CPD: variants seen among roughly 807,000 people sequenced by gnomAD.
The protein encoded by CPD is carboxypeptidase D.
CPD carries 69 observed loss-of-function variants against 138.3 expected under a neutral mutation model. That is an observed-to-expected ratio of 0.50 (90% CI 0.41 to 0.61). The LOEUF (loss-of-function observed/expected upper bound fraction) is 0.61, where lower values mean the gene tolerates loss of function less well. Ranked by LOEUF, CPD falls within the 20% of genes least tolerant of loss-of-function variation. The probability of loss-of-function intolerance (pLI) is 0.00; values close to 1 mark genes in which losing one functional copy is unlikely to be tolerated. For synonymous variants in CPD, 651 were observed against 642.1 expected (o/e 1.01, Z -0.21); for missense variants, 1,432 against 1,733.3 (o/e 0.83, Z 3.09).
chr17:30,413,200 A>G (rs77539364), intron 2 of CPD, among the ~76,000 whole-genome samples: 1,604 of 152,342 alleles, frequency 0.011, 34 homozygotes, highest in African/African-American at 0.036. Flanking sequence ...AAGATTTTCA[A>G]TAAATATTAT....
At chr17:30,457,678 T>A (rs1430607621) in intron 17 of CPD, among the ~76,000 whole-genome samples, 2 of 151,782 alleles carry the variant, frequency 1.3e-5, no homozygotes, top group Non-Finnish European at 2.9e-5. Context: ...TTTTTTTTTT[T>A]AAACAGAGTC....
chr17:30,448,642 A>G (rs1289100771), intron 12 of CPD, among the ~76,000 whole-genome samples: 1 of 152,232 alleles, frequency 6.6e-6, no homozygotes, highest in Non-Finnish European at 1.5e-5. Flanking sequence ...TTTATGCTAA[A>G]GAAAGCAGAC....
chr17:30,419,942 C>A (rs535875546), intron 2 of CPD, among the ~76,000 whole-genome samples: 6 of 152,320 alleles, frequency 3.9e-5, no homozygotes, highest in African/African-American at 1.2e-4. Flanking sequence ...CTGAGATGCA[C>A]TGGGGGTTGA....
intron 20 of CPD, among the ~76,000 whole-genome samples, chr17:30,463,383 C>T (rs950473855): frequency 5.3e-5 from 8 of 152,182 alleles, no homozygotes; most frequent in African/African-American, 1.2e-4. Context: ...AAGCCTAGAA[C>T]GATGGTTAGC....
intron 12 of CPD, among the ~76,000 whole-genome samples, chr17:30,449,169 T>G (rs1025858491): frequency 3.9e-5 from 6 of 152,096 alleles, no homozygotes; most frequent in Admixed American, 2.6e-4. Flanking sequence ...GTTATCTATG[T>G]TCATACATAC....
At chr17:30,388,369 C>T (rs1911253810) in intron 2 of CPD, among the ~76,000 whole-genome samples, 2 of 152,176 alleles carry the variant, frequency 1.3e-5, no homozygotes, top group Admixed American at 1.3e-4. Context: ...TTCCATGGCA[C>T]CCCGGCTGCT....
At chr17:30,400,035 G>T (rs759822380) in intron 2 of CPD, among the ~76,000 whole-genome samples, 1 of 152,126 alleles carries the variant, frequency 6.6e-6, no homozygotes, top group Non-Finnish European at 1.5e-5. Context: ...TGTGTTTCTT[G>T]TAGTTGCATA....
At chr17:30,411,273 C>T (rs752784554) in intron 2 of CPD, among the ~76,000 whole-genome samples, 54 of 152,202 alleles carry the variant, frequency 3.5e-4, no homozygotes, top group Non-Finnish European at 5.9e-4. Flanking sequence ...TGACCTTTCT[C>T]TCTGGCTGCC....
In CPD at chr17:30,464,746, C is replaced by G; in HGVS notation, c.4075C>G (p.Leu1359Val). 1 of 1,613,986 alleles carries G rather than the reference C, an allele frequency of 6.2e-7. No individual in the cohort carries two copies. Among genetic ancestry groups the G allele is most frequent in the Non-Finnish European group, 8.5e-7 (1 of 1,179,900 alleles). The stretch of plus-strand genomic sequence containing the variant: ...GATGTCTACCGGCTCCAAGAAGTCC[C>G]TCCTAAGCCATGAGTTCCAGGATGA... Reference protein sequence around the residue: ...RMMSTGSKKSLLSHEFQDETD... With the variant: ...RMMSTGSKKSVLSHEFQDETD... The change falls in exon 21 of 21, where the codon CTC becomes GTC. Residue 1359 changes from leucine to valine, a missense_variant. By Grantham distance (32) the Leu-to-Val change is conservative. Around this residue, in one of 6 missense-constraint regions of CPD, gnomAD observed 366 missense variants for 518.8 expected, o/e 0.71. Coordinates refer to ENST00000225719, the MANE Select transcript of CPD (RefSeq NM_001304.5).
Position 30,379,036 on chromosome 17 carries a change from T to C in CPD, c.56T>C (p.Leu19Pro). The stretch of plus-strand genomic sequence containing the variant: ...TGGCGGCTAGGGCGGCTCCTGTTGC[T>C]CATGTGCCTGCTGCTGCTGGGGAGC... ...PPWRLGRLLLLMCLLLLGSSA... is the reference protein window; with the variant it reads ...PPWRLGRLLLPMCLLLLGSSA... Residue 19 changes from leucine to proline, a missense_variant, in exon 1 of 21, where the codon CTC (leucine) becomes CCC (proline). Physicochemically the swap from Leu to Pro is moderately conservative, Grantham distance 98. Around this residue, in one of 6 missense-constraint regions of CPD, gnomAD observed 484 missense variants for 477.2 expected, o/e 1.01. Coordinates refer to ENST00000225719, the MANE Select transcript of CPD (RefSeq NM_001304.5). The surrounding 1 kb of genome is among the most constrained non-coding windows in gnomAD (Gnocchi z 7.0). 1.9e-6 allele frequency: 3 copies of C among 1,560,950 alleles called. No homozygotes were observed. The highest frequency in any genetic ancestry group is 2.6e-6 in the Non-Finnish European group (3 of 1,161,308).
intron 2 of CPD, among the ~76,000 whole-genome samples, chr17:30,386,685 T>G (rs1324552300): frequency 1.3e-5 from 2 of 152,268 alleles, no homozygotes; most frequent in Admixed American, 6.5e-5. Context: ...TTAGATATTT[T>G]ATATAACTGG....
At chr17:30,386,055 G>T (rs938983467) in intron 2 of CPD, among the ~76,000 whole-genome samples, 2 of 151,832 alleles carry the variant, frequency 1.3e-5, no homozygotes, top group African/African-American at 4.8e-5. Context: ...TAAGAGATAG[G>T]GTCTCACTCT....
At chr17:30,446,584 AT>A (rs1913037826) in intron 12 of CPD, among the ~76,000 whole-genome samples, 1 of 152,200 alleles carries the variant, frequency 6.6e-6, no homozygotes, top group African/African-American at 2.4e-5. Context: ...ATTGATGGAC[AT>A]TTGGGTTGGT....
At chr17:30,421,861 A>G (rs973248763) in intron 4 of CPD, 28 bp downstream of exon 4, 1 of 1,527,812 alleles carries the variant, frequency 6.5e-7, no homozygotes, top group African/African-American at 1.4e-5. Context: ...GTAGACTCTT[A>G]GTTAAAATGT....
chr17:30,394,678 G>A (rs1489070603), intron 2 of CPD, among the ~76,000 whole-genome samples: 1 of 152,054 alleles, frequency 6.6e-6, no homozygotes, highest in South Asian at 2.1e-4. Flanking sequence ...TTACCTAGAG[G>A]GCATGTAGGG....
At chr17:30,400,822 T>A (rs1911639892) in intron 2 of CPD, among the ~76,000 whole-genome samples, 3 of 147,724 alleles carry the variant, frequency 2.0e-5, no homozygotes. Context: ...CACGCCCGGT[T>A]AATTTTTTTT....
intron 1 of CPD, among the ~76,000 whole-genome samples, chr17:30,383,656 T>G (rs1034912333): frequency 2.0e-5 from 3 of 152,230 alleles, no homozygotes; most frequent in African/African-American, 7.2e-5. Context: ...CAAGTAATTT[T>G]CATTGTTTGA....
intron 2 of CPD, among the ~76,000 whole-genome samples, chr17:30,400,649 A>ATTTTT (rs1911629506): frequency 6.6e-5 from 5 of 76,060 alleles, no homozygotes; most frequent in African/African-American, 3.0e-4. Context: ...TTTTGCCATC[A>ATTTTT]TTCTTTTTTT....
Position 30,379,065 on chromosome 17 carries a change from G to A in CPD, c.85G>A (p.Ala29Thr). ...LMCLLLLGSS[A>T]RAAHIKKAEA... ...GTGCCTGCTGCTGCTGGGGAGCTCG[G>A]CCCGGGCGGCTCACATCAAGAAGGC... is the stretch of plus-strand genomic sequence containing the variant. The change falls in exon 1 of 21, where the codon GCC (alanine) becomes ACC (threonine). Residue 29 changes from alanine to threonine, a missense_variant. By Grantham distance (58) the Ala-to-Thr change is moderately conservative. This residue lies in a region of CPD where 484 missense variants were observed against 477.2 expected (regional missense o/e 1.01). Coordinates refer to ENST00000225719, the MANE Select transcript of CPD (RefSeq NM_001304.5). The surrounding 1 kb of genome is among the most constrained non-coding windows in gnomAD (Gnocchi z 7.0). 6.4e-7 allele frequency: 1 copy of A among 1,560,654 alleles called. No homozygotes were observed. Among genetic ancestry groups the A allele is most frequent in the Non-Finnish European group, 8.6e-7 (1 of 1,160,056 alleles).
Sources: allele counts gnomAD v4.1 joint callset (sites outside exome capture counted in the v4.1 genomes callset), GRCh38; gene constraint gnomAD v4.1.1; regional missense constraint gnomAD v4.1.1; non-coding constraint Gnocchi (gnomAD v3.1); transcripts MANE v1.5; gene names NCBI Gene and HGNC (gene_info 2026-07-23, HGNC 2026-07-21).